DLG3: variants seen among roughly 807,000 people sequenced by gnomAD.
DLG3 encodes the protein disks large homolog 3.
DLG3 carries 1 observed loss-of-function variant against 64.1 expected under a neutral mutation model. The observed-to-expected ratio is 0.02, with a 90% CI of 0.01 to 0.07. DLG3 has a LOEUF of 0.07. Among genes scored for constraint, DLG3 ranks in the 10% least tolerant of loss-of-function variants. The pLI is 1.00. For synonymous variants in DLG3, 245 were observed against 259.8 expected, an observed-to-expected ratio of 0.94 and a Z score of 0.55; for missense variants, 429 against 669.5, an observed-to-expected ratio of 0.64 and a Z score of 3.96.
chrX:70,475,112 C>T (rs1383752775), intron 9 of DLG3, among the ~76,000 whole-genome samples: 2 of 110,263 alleles, frequency 1.8e-5, no homozygotes, highest in African/African-American at 6.6e-5. Context: ...AGGTGGATTC[C>T]TTGAGGTCAG....
At chrX:70,464,152 C>A (rs1025260468) in intron 9 of DLG3, among the ~76,000 whole-genome samples, 1 of 111,026 alleles carries the variant, frequency 9.0e-6, no homozygotes, top group Admixed American at 9.6e-5. Context: ...AGGTACTGCA[C>A]CCAGCATAGA....
In DLG3 at chrX:70,502,345, C is replaced by G; in HGVS notation, c.*76C>G. The G allele has an allele frequency of 1.3e-6, 1 of 743,257 alleles. No individual in the cohort carries two copies. The highest frequency in any genetic ancestry group is 2.1e-6 in the Non-Finnish European group (1 of 481,891). The allele number at this position is 743,257 out of a possible 1,213,427, so 61.3% of individuals were successfully genotyped here. On this transcript the variant is annotated 3_prime_UTR_variant, in exon 19 of 19. Transcript: ENST00000374360. ...TCCCTCCTCCCTCTTCATTCCTGTC[C>G]CCATGGGGAGAACAAATGCTACTGT...
rs749893387 is a variant in DLG3, at chrX:70,500,938, A to T, written c.2296A>T (p.Ile766Phe). Reference sequence around the variant, plus strand: ...GCAGACATATGAACAAGCAAATAAGATCTATGACAAAGCCATGAAACTGGA... The same window carrying T: ...GCAGACATATGAACAAGCAAATAAGTTCTATGACAAAGCCATGAAACTGGA... ...RRQTYEQANK[I>F]YDKAMKLEQE... is the part of the protein sequence containing the mutation. Residue 766 changes from isoleucine (I) to phenylalanine (F), a missense_variant, in exon 18 of 19, where the codon ATC becomes TTC. Transcript: ENST00000374360. 1 of 1,203,761 alleles carries T rather than the reference A, an allele frequency of 8.3e-7. No individual in the cohort carries two copies. The highest frequency in any genetic ancestry group is 1.1e-6 in the Non-Finnish European group (1 of 891,229).
intron 12 of DLG3, among the ~76,000 whole-genome samples, chrX:70,493,901 C>G (rs1310563963): frequency 8.9e-6 from 1 of 112,521 alleles, no homozygotes. Flanking sequence ...TTTTCTTTCC[C>G]TTAACTTCAC....
chrX:70,500,611 C>A, intron 17 of DLG3, 31 bp downstream of exon 17: 1 of 1,072,828 alleles, frequency 9.3e-7, no homozygotes, highest in Non-Finnish European at 1.3e-6. Context: ...TCAGACACAC[C>A]AAGCTAAGAT....
chrX:70,466,441 CTT>C (rs373867454), intron 9 of DLG3, among the ~76,000 whole-genome samples: 9 of 96,198 alleles, frequency 9.4e-5, no homozygotes, highest in Admixed American at 1.1e-4. Context: ...AGTTTGCTTT[CTT>C]TTTTTTTTTT....
rs2086550815 is a variant in DLG3 at position 70,445,066 on chromosome X, G to T, written c.-136G>T. ...CCCGCTCAGCCCGGGCGCCCCCACG[G>T]GTGCCCCCCCCTTCTTGGTCCGAGC... On this transcript the variant is annotated 5_prime_UTR_variant, in exon 1 of 19. Transcript: ENST00000374360. 2 of 461,425 alleles carry T rather than the reference G, an allele frequency of 4.3e-6. No homozygotes were observed. Among genetic ancestry groups the T allele is most frequent in the African/African-American group, 5.2e-5 (2 of 38,381 alleles). The allele number at this position is 461,425 out of a possible 1,213,427, so 38.0% of individuals were successfully genotyped here.
At chrX:70,495,912 C>T (rs1447653323) in intron 13 of DLG3, among the ~76,000 whole-genome samples, 1 of 111,086 alleles carries the variant, frequency 9.0e-6, no homozygotes, top group African/African-American at 3.3e-5. Context: ...CCCCTTTTTC[C>T]CAACCTGCAT....
At chrX:70,445,696 A>G in intron 1 of DLG3, 138 bp downstream of exon 1, 1 of 577,549 alleles carries the variant, frequency 1.7e-6, no homozygotes. Context: ...AGCTGGGCAA[A>G]GAGAGGCGGT....
chrX:70,500,729 G>A, intron 17 of DLG3, 149 bp downstream of exon 17: 2 of 670,114 alleles, frequency 3.0e-6, no homozygotes, highest in Non-Finnish European at 4.7e-6. Flanking sequence ...GAGGGCTTGT[G>A]CATATGTTCA....
At chrX:70,446,318 A>T (rs2086567695) in intron 1 of DLG3, among the ~76,000 whole-genome samples, 1 of 104,361 alleles carries the variant, frequency 9.6e-6, no homozygotes, top group African/African-American at 3.5e-5. Flanking sequence ...CAGGCAAGGG[A>T]GGGGAGAGGA....
chrX:70,490,049 G>T (rs1174155268), intron 10 of DLG3, among the ~76,000 whole-genome samples: 1 of 110,313 alleles, frequency 9.1e-6, no homozygotes, highest in Admixed American at 9.6e-5. Flanking sequence ...TTTTAGCAGA[G>T]ACGGGGTTTT....
chrX:70,485,282 G>A (rs1346226565), intron 10 of DLG3, among the ~76,000 whole-genome samples: 2 of 111,590 alleles, frequency 1.8e-5, no homozygotes, highest in Non-Finnish European at 3.8e-5. Flanking sequence ...TTTTCAAAGG[G>A]CTTCCACTTT....
chrX:70,501,456 G>A (rs189999726), intron 18 of DLG3, among the ~76,000 whole-genome samples: 1 of 68,862 alleles, frequency 1.5e-5, no homozygotes, highest in Admixed American at 1.6e-4. Flanking sequence ...GTCAGTTCCT[G>A]AAACATTGGG....
chrX:70,454,354 A>G (rs1468993935), intron 9 of DLG3, 38 bp downstream of exon 9: 2 of 1,122,884 alleles, frequency 1.8e-6, no homozygotes, highest in Admixed American at 4.5e-5. Context: ...GATGTGGGGG[A>G]GTTAGACTTA....
rs1441637486 is a variant in DLG3, at chrX:70,505,192, T to C, written c.*2923T>C. The C allele has an allele frequency of 1.8e-5, 2 of 112,692 alleles. No individual in the cohort carries two copies. Among genetic ancestry groups the C allele is most frequent in the Non-Finnish European group, 3.8e-5 (2 of 53,291 alleles). The allele number at this position is 112,692 out of a possible 1,213,427, so 9.3% of individuals were successfully genotyped here. On this transcript the variant is annotated 3_prime_UTR_variant, in exon 19 of 19. Transcript: ENST00000374360. ...AAAGATCTGTCCTGTGGTCACACTG[T>C]TGAGGCTCTGTCTTCACAGCTGATG...
intron 8 of DLG3, 83 bp from the exon 9 acceptor site, chrX:70,454,131 A>AC: frequency 1.2e-6 from 1 of 865,604 alleles, no homozygotes. Flanking sequence ...GGGGTGGGGT[A>AC]CCCATCTCCC....
intron 7 of DLG3, chrX:70,452,761 A>C: frequency 8.5e-7 from 1 of 1,173,916 alleles, no homozygotes; most frequent in Non-Finnish European, 1.1e-6. Context: ...GCCAGGTAGG[A>C]GTGGAGGGCT....
chrX:70,459,064 G>A lies in DLG3; in HGVS notation c.1405+4748G>A, dbSNP rs372763111. 5.4e-5 allele frequency among the ~76,000 whole-genome samples: 6 copies of A among 112,092 alleles called. No homozygotes were observed. In the East Asian group the frequency reaches 1.4e-3, roughly 26 times the overall value. On this transcript the variant is annotated intron_variant, in intron 9 of 18. Transcript: ENST00000374360. ...TTTTCCCCGTAGTGACTTTATATCA[G>A]CCTCTGTTTATAAACTGATCTAGTA...
Sources: gnomAD v4.1 joint callset for allele counts (sites outside exome capture counted in the v4.1 genomes callset) on GRCh38, gnomAD v4.1.1 for gene constraint, MANE v1.5 for transcripts, NCBI Gene and HGNC (gene_info 2026-07-23, HGNC 2026-07-21) for gene names.